Variants in ARHGAP26 observed in about 807,000 individuals in gnomAD.
The protein encoded by ARHGAP26 is rho GTPase-activating protein 26.
A neutral mutation model predicts 104.8 loss-of-function variants in ARHGAP26; 38 were observed. That is an observed-to-expected ratio of 0.36 (90% confidence interval 0.28 to 0.48). The LOEUF (loss-of-function observed/expected upper bound fraction) is 0.48, where lower values mean the gene tolerates loss of function less well. ARHGAP26 is among the 20% of genes least tolerant of loss of function. The probability of loss-of-function intolerance (pLI) is 0.99; values close to 1 mark genes in which losing one functional copy is unlikely to be tolerated. For synonymous variants in ARHGAP26, 341 were observed against 340.0 expected, an observed-to-expected ratio of 1.00 and a Z score of -0.03; for missense variants, 704 against 947.9, an observed-to-expected ratio of 0.74 and a Z score of 3.38.
intron 17 of ARHGAP26, among the ~76,000 whole-genome samples, chr5:143,066,236 T>C (rs767182691): frequency 6.6e-6 from 1 of 152,248 alleles, no homozygotes; most frequent in Non-Finnish European, 1.5e-5. Context: ...CAATAGGCTA[T>C]ACCACAGAGC....
At chr5:142,877,939 C>T (rs1344456716) in intron 3 of ARHGAP26, among the ~76,000 whole-genome samples, 1 of 152,186 alleles carries the variant, frequency 6.6e-6, no homozygotes, top group Non-Finnish European at 1.5e-5. Flanking sequence ...AATTAAGTAA[C>T]ATTGAATAAC....
chr5:142,846,307 G>A (rs1771931199), intron 1 of ARHGAP26, among the ~76,000 whole-genome samples: 2 of 152,292 alleles, frequency 1.3e-5, no homozygotes, highest in Non-Finnish European at 1.5e-5. Context: ...AGCTCAGAGG[G>A]GTGCCGAGGT....
chr5:142,778,417 A>G (rs1477689444), intron 1 of ARHGAP26, among the ~76,000 whole-genome samples: 1 of 152,146 alleles, frequency 6.6e-6, no homozygotes, highest in Non-Finnish European at 1.5e-5. Context: ...GCAGTTTGGT[A>G]TGCATTTTTT....
intron 18 of ARHGAP26, among the ~76,000 whole-genome samples, chr5:143,121,721 G>A (rs142540020): frequency 9.2e-4 from 140 of 152,028 alleles, no homozygotes; most frequent in African/African-American, 3.3e-3. Context: ...TCTTTCTTTC[G>A]AAGGTTTTCC....
chr5:143,100,499 C>T (rs1352863347), intron 17 of ARHGAP26, among the ~76,000 whole-genome samples: 1 of 152,236 alleles, frequency 6.6e-6, no homozygotes, highest in East Asian at 1.9e-4. Flanking sequence ...ACACCAACAT[C>T]CCGTAGATGT....
chr5:142,833,861 A>G (rs1342362506), intron 1 of ARHGAP26, among the ~76,000 whole-genome samples: 4 of 152,324 alleles, frequency 2.6e-5, no homozygotes, highest in Non-Finnish European at 5.9e-5. Flanking sequence ...AAACAACACA[A>G]AAATTTCAAA....
intron 17 of ARHGAP26, among the ~76,000 whole-genome samples, chr5:143,088,632 C>A (rs774090802): frequency 7.2e-5 from 11 of 152,134 alleles, no homozygotes; most frequent in Non-Finnish European, 1.2e-4. Context: ...GAATAGCACT[C>A]GAATATAAAA....
intron 3 of ARHGAP26, among the ~76,000 whole-genome samples, chr5:142,875,692 G>A (rs1301254089): frequency 6.6e-6 from 1 of 152,204 alleles, no homozygotes; most frequent in Non-Finnish European, 1.5e-5. Context: ...CCACATTTAA[G>A]AGTCAAATGC....
At chr5:143,021,244 CTTG>C (rs1244583567) in intron 12 of ARHGAP26, among the ~76,000 whole-genome samples, 1 of 152,036 alleles carries the variant, frequency 6.6e-6, no homozygotes, top group Non-Finnish European at 1.5e-5. Flanking sequence ...GTTGAATATG[CTTG>C]TTGTATTCTG....
At chr5:143,048,597 T>C (rs1446182160) in intron 14 of ARHGAP26, among the ~76,000 whole-genome samples, 1 of 151,878 alleles carries the variant, frequency 6.6e-6, no homozygotes, top group East Asian at 1.9e-4. Flanking sequence ...CTGTTATCTT[T>C]TTTCTAAACG....
chr5:143,195,811 C>CT (rs879733673), intron 20 of ARHGAP26, among the ~76,000 whole-genome samples: 435 of 141,380 alleles, frequency 3.1e-3, no homozygotes, highest in African/African-American at 8.2e-3. Flanking sequence ...GCTGGGGAGA[C>CT]TTTTTTTTTT....
chr5:143,176,593 A>G (rs902442852), intron 20 of ARHGAP26, among the ~76,000 whole-genome samples: 4 of 152,234 alleles, frequency 2.6e-5, no homozygotes, highest in African/African-American at 7.2e-5. Flanking sequence ...AAAATGAGAA[A>G]TTAATTTACC....
rs956409627 is a variant in ARHGAP26 at position 143,052,627 on chromosome 5, C to G, written c.1286-1812C>G. Among the ~76,000 whole-genome samples the G allele has an allele frequency of 1.1e-4, 16 of 152,288 alleles. No homozygotes were observed. The South Asian group carries it at 1.7e-3, about 16-fold the overall frequency. On this transcript the variant is annotated intron_variant, in intron 14 of 22. Coordinates refer to ENST00000645722, the MANE Select transcript of ARHGAP26 (RefSeq NM_001135608.3). ...GTTTCTGAGCTGGGGACCCTTTCCT[C>G]TCTCATAACCCAGTATGTGTCAGGG... is the stretch of plus-strand genomic sequence containing the variant.
chr5:143,074,865 A>G (rs1010542618), intron 17 of ARHGAP26, among the ~76,000 whole-genome samples: 3 of 152,220 alleles, frequency 2.0e-5, no homozygotes, highest in Admixed American at 2.0e-4. Flanking sequence ...CAGGTATCCA[A>G]AGATGGACAT....
chr5:142,833,318 C>T (rs979343289), intron 1 of ARHGAP26, among the ~76,000 whole-genome samples: 1 of 151,904 alleles, frequency 6.6e-6, no homozygotes, highest in Non-Finnish European at 1.5e-5. Context: ...GCCTCAGCCT[C>T]CCAAAGTGCT....
At chr5:142,857,069 A>G (rs1752475880) in intron 1 of ARHGAP26, among the ~76,000 whole-genome samples, 1 of 152,030 alleles carries the variant, frequency 6.6e-6, no homozygotes, top group East Asian at 1.9e-4. Context: ...TAGCTGTGTC[A>G]CTTCAGTTTC....
intron 5 of ARHGAP26, among the ~76,000 whole-genome samples, chr5:142,890,743 T>A (rs1465660810): frequency 3.3e-5 from 5 of 152,148 alleles, no homozygotes; most frequent in Non-Finnish European, 7.3e-5. Context: ...CACGGGACAC[T>A]TTCCAGTTTT....
intron 3 of ARHGAP26, 34 bp downstream of exon 3, chr5:142,875,205 A>G: frequency 1.9e-6 from 3 of 1,604,414 alleles, no homozygotes; most frequent in Non-Finnish European, 2.6e-6. Flanking sequence ...GGTCCCAGAT[A>G]GTATATTCGT....
In ARHGAP26 at chr5:143,190,033, GGGA is replaced by G. The variant is rs1217554523; in HGVS notation, c.1989-17164_1989-17162del. Among the ~76,000 whole-genome samples, 878 of 95,344 alleles carry G rather than the reference GGGA, an allele frequency of 9.2e-3. 8 individuals carry two copies. The highest frequency in any genetic ancestry group is 0.052 in the African/African-American group (824 of 15,708). The allele number at this position is 95,344 out of a possible 152,430, so 62.5% of individuals were successfully genotyped here. A position where few individuals can be genotyped will look rare whatever the true frequency, so the allele number is the denominator to read the frequency against. On this transcript the variant is annotated intron_variant, in intron 20 of 22. Coordinates refer to ENST00000645722, the MANE Select transcript of ARHGAP26 (RefSeq NM_001135608.3). ...ATCTTTGGAGGACAGAAGGAGGGGG[GGGA>G]AAAAAAAAAAAAGACCTGGTTTCTG...
Sources: gnomAD v4.1 joint callset for allele counts (sites outside exome capture counted in the v4.1 genomes callset) on GRCh38, gnomAD v4.1.1 for gene constraint, MANE v1.5 for transcripts, NCBI Gene and HGNC (gene_info 2026-07-23, HGNC 2026-07-21) for gene names.